CNTNAP2: variants seen among roughly 807,000 people sequenced by gnomAD.
CNTNAP2 encodes contactin associated protein 2.
Under a neutral mutation model 155.2 loss-of-function variants are expected in CNTNAP2, and 98 were observed. The observed-to-expected ratio is 0.63, with a 90% CI of 0.54 to 0.75. The LOEUF is 0.75. Ranked by LOEUF, CNTNAP2 falls within the 30% of genes least tolerant of loss-of-function variation. The pLI is 0.00. For missense variants in CNTNAP2, 1,727 were observed against 1,688.1 expected, an observed-to-expected ratio of 1.02 and a Z score of -0.40; for synonymous variants, 651 against 631.2, an observed-to-expected ratio of 1.03 and a Z score of -0.47.
At chr7:146,773,010 A>C (rs1038005600) in intron 1 of CNTNAP2, among the ~76,000 whole-genome samples, 5 of 152,238 alleles carry the variant, frequency 3.3e-5, no homozygotes, top group Admixed American at 6.5e-5. Context: ...ATCTGTAGCT[A>C]TGGAGTTGAA....
intron 9 of CNTNAP2, among the ~76,000 whole-genome samples, chr7:147,351,985 G>A (rs1295401033): frequency 2.6e-5 from 4 of 152,004 alleles, no homozygotes; most frequent in South Asian, 2.1e-4. Context: ...AAATTAAAAT[G>A]TGCCAATTCT....
chr7:146,132,537 G>A (rs1266640157), intron 1 of CNTNAP2, among the ~76,000 whole-genome samples: 1 of 150,028 alleles, frequency 6.7e-6, no homozygotes, highest in Non-Finnish European at 1.5e-5. Context: ...CTAGCATTAG[G>A]TATATCTCCC....
intron 15 of CNTNAP2, among the ~76,000 whole-genome samples, chr7:148,028,934 G>A (rs1171295747): frequency 1.3e-5 from 2 of 152,130 alleles, no homozygotes; most frequent in Non-Finnish European, 1.5e-5. Flanking sequence ...AATCATCATA[G>A]TATGACAATT....
chr7:147,130,004 A>G (rs1801320846), intron 7 of CNTNAP2, among the ~76,000 whole-genome samples: 1 of 152,200 alleles, frequency 6.6e-6, no homozygotes, highest in Non-Finnish European at 1.5e-5. Context: ...TGATCTGAGA[A>G]CAATACTGCA....
rs1797554409 is a variant in CNTNAP2, at chr7:146,121,072, TC to T, written c.97+4100del. The stretch of plus-strand genomic sequence containing the variant: ...TCACTGTTCCTTATTAGTAAATTCT[TC>T]TAGACAAAAACTTACTCAAATGTCT... On this transcript the variant is annotated intron_variant, in intron 1 of 23. Coordinates refer to ENST00000361727, the MANE Select transcript of CNTNAP2 (RefSeq NM_014141.6). 5.1e-4 allele frequency among the ~76,000 whole-genome samples: 77 copies of T among 151,160 alleles called. 2 individuals are homozygous for T. The highest frequency in any genetic ancestry group is 7.4e-4 in the Non-Finnish European group (50 of 67,774).
chr7:147,897,846 A>G (rs112133037), intron 13 of CNTNAP2, among the ~76,000 whole-genome samples: 4 of 152,348 alleles, frequency 2.6e-5, no homozygotes, highest in African/African-American at 9.6e-5. Flanking sequence ...GCATCAGAGA[A>G]GCTGGATGCT....
rs370261859 is a variant in CNTNAP2 at position 146,485,463 on chromosome 7, AC to A, written c.98-288807del. On this transcript the variant is annotated intron_variant, in intron 1 of 23. Transcript: ENST00000361727. ...GGTATAGCAAAATTTCTTATGTGATACACCTACCAGTGGTAAGTGGTAGAAT... is the reference window on the plus strand; with the variant it reads ...GGTATAGCAAAATTTCTTATGTGATAACCTACCAGTGGTAAGTGGTAGAAT... Among the ~76,000 whole-genome samples, 98 of 152,330 alleles carry A rather than the reference AC, an allele frequency of 6.4e-4. 1 individual carries two copies. The highest frequency in any genetic ancestry group is 2.2e-3 in the African/African-American group (92 of 41,578).
At chr7:147,258,632 A>G (rs969559657) in intron 8 of CNTNAP2, among the ~76,000 whole-genome samples, 2 of 152,196 alleles carry the variant, frequency 1.3e-5, no homozygotes, top group Non-Finnish European at 2.9e-5. Context: ...TAATCAGCTT[A>G]TAGGTGAAAA....
chr7:147,045,643 C>T (rs191483122), intron 4 of CNTNAP2, among the ~76,000 whole-genome samples: 1 of 152,078 alleles, frequency 6.6e-6, no homozygotes, highest in African/African-American at 2.4e-5. Flanking sequence ...AAATTAGAAT[C>T]TTTGGTCCTA....
chr7:147,728,186 TG>T (rs548150714), intron 13 of CNTNAP2, among the ~76,000 whole-genome samples: 88,082 of 151,912 alleles, frequency 0.58, 28,394 homozygotes, highest in East Asian at 0.9. Context: ...TGTGTGTGTG[TG>T]TGTGTGTGTG....
chr7:146,561,075 A>G (rs1798272546), intron 1 of CNTNAP2, among the ~76,000 whole-genome samples: 3 of 152,194 alleles, frequency 2.0e-5, no homozygotes, highest in African/African-American at 7.2e-5. Context: ...TGTCTGCATT[A>G]TAATGTCAAA....
intron 3 of CNTNAP2, among the ~76,000 whole-genome samples, chr7:146,984,104 A>G (rs1798070574): frequency 6.6e-6 from 1 of 152,060 alleles, no homozygotes; most frequent in Non-Finnish European, 1.5e-5. Context: ...GCGGTGGCTC[A>G]TGCCTGTAAT....
chr7:147,006,820 G>A (rs1798533856), intron 3 of CNTNAP2, among the ~76,000 whole-genome samples: 1 of 151,848 alleles, frequency 6.6e-6, no homozygotes, highest in South Asian at 2.1e-4. Flanking sequence ...GGGGTCCTTG[G>A]TTCCTGTCTT....
chr7:148,335,827 A>G (rs532390029), intron 21 of CNTNAP2, among the ~76,000 whole-genome samples: 17 of 151,730 alleles, frequency 1.1e-4, no homozygotes, highest in African/African-American at 3.9e-4. Context: ...GATATATTCA[A>G]CTATAGTATT....
At chr7:148,400,037 T>C (rs998381613) in intron 22 of CNTNAP2, among the ~76,000 whole-genome samples, 5 of 152,184 alleles carry the variant, frequency 3.3e-5, no homozygotes, top group Admixed American at 2.6e-4. Flanking sequence ...GCAGCATTTT[T>C]ACCAAAGCTC....
chr7:146,292,694 T>A (rs1800450963), intron 1 of CNTNAP2, among the ~76,000 whole-genome samples: 1 of 152,224 alleles, frequency 6.6e-6, no homozygotes, highest in Admixed American at 6.5e-5. Context: ...GCAGCACTAT[T>A]CAGCTTTACA....
At chr7:147,112,820 C>A (rs923194126) in intron 5 of CNTNAP2, among the ~76,000 whole-genome samples, 13 of 151,606 alleles carry the variant, frequency 8.6e-5, no homozygotes, top group African/African-American at 3.2e-4. Context: ...AAAATATTTG[C>A]CCGAAGTTTT....
chr7:146,505,251 C>T (rs1036393026), intron 1 of CNTNAP2, among the ~76,000 whole-genome samples: 11 of 152,196 alleles, frequency 7.2e-5, no homozygotes, highest in Admixed American at 1.3e-4. Flanking sequence ...CGGTTGGACA[C>T]ATTGGTCAAC....
At chr7:146,423,606 A>G (rs980981835) in intron 1 of CNTNAP2, among the ~76,000 whole-genome samples, 1 of 152,192 alleles carries the variant, frequency 6.6e-6, no homozygotes. Context: ...GGGGAAAACT[A>G]GTGACAGTAA....
Sources: gnomAD v4.1 joint callset for allele counts (sites outside exome capture counted in the v4.1 genomes callset) on GRCh38, gnomAD v4.1.1 for gene constraint, MANE v1.5 for transcripts, NCBI Gene and HGNC (gene_info 2026-07-23, HGNC 2026-07-21) for gene names.